The following PPP2R3B variants were observed in gnomAD, a reference collection of about 807,000 sequenced individuals.
PPP2R3B encodes protein phosphatase 2 regulatory subunit B''beta.
PPP2R3B carries 68 observed loss-of-function variants against 72.9 expected under a neutral mutation model. That is an observed-to-expected ratio of 0.93 (90% CI 0.77 to 1.14). The LOEUF is 1.14. Among genes scored for constraint, PPP2R3B ranks in the 50% most tolerant of loss-of-function variants. The pLI, the probability that PPP2R3B is intolerant of heterozygous loss-of-function variation, is 0.00. For missense variants in PPP2R3B, 1,018 were observed against 842.0 expected, an observed-to-expected ratio of 1.21 and a Z score of -2.59; for synonymous variants, 466 against 375.8, an observed-to-expected ratio of 1.24 and a Z score of -2.78.
intron 2 of PPP2R3B, among the ~76,000 whole-genome samples, chrX:357,440 A>G (rs2071459685): frequency 1.3e-5 from 2 of 152,228 alleles, no homozygotes; most frequent in Non-Finnish European, 2.9e-5. Flanking sequence ...ATAGATATTC[A>G]TGAGAGAAAG....
chrX:346,151 G>A (rs956355205), intron 6 of PPP2R3B, 23 bp downstream of exon 6: 2 of 1,534,076 alleles, frequency 1.3e-6, no homozygotes, highest in Admixed American at 2.0e-5. Context: ...GCAGGGGGCA[G>A]GGGACAGGGG....
At chrX:382,883 C>T (rs2072156066) in intron 1 of PPP2R3B, among the ~76,000 whole-genome samples, 1 of 152,142 alleles carries the variant, frequency 6.6e-6, no homozygotes, top group South Asian at 2.1e-4. Flanking sequence ...AGCTCATTAG[C>T]GATCCCACTG....
chrX:353,089 A>T (rs2071363676), intron 2 of PPP2R3B, among the ~76,000 whole-genome samples: 1 of 152,034 alleles, frequency 6.6e-6, no homozygotes, highest in Non-Finnish European at 1.5e-5. Context: ...AGTGGGTGGC[A>T]GTGGCCGGGT....
intron 1 of PPP2R3B, among the ~76,000 whole-genome samples, chrX:363,931 A>G (rs1382322272): frequency 6.6e-6 from 1 of 152,260 alleles, no homozygotes; most frequent in African/African-American, 2.4e-5. Flanking sequence ...TTCCTGATGA[A>G]AACTGCCAAG....
chrX:371,872 C>G (rs1029393475), intron 1 of PPP2R3B, among the ~76,000 whole-genome samples: 5 of 150,950 alleles, frequency 3.3e-5, no homozygotes, highest in African/African-American at 1.2e-4. Context: ...CCTCAGACAA[C>G]ATGCATTTCA....
intron 1 of PPP2R3B, among the ~76,000 whole-genome samples, chrX:364,350 C>G (rs1026564408): frequency 4.0e-5 from 6 of 151,754 alleles, no homozygotes; most frequent in Admixed American, 2.0e-4. Flanking sequence ...GGTTTGCAAA[C>G]CAAACTCACG....
intron 7 of PPP2R3B, chrX:345,221 C>A (rs745891056): frequency 1.1e-5 from 7 of 641,062 alleles, no homozygotes; most frequent in South Asian, 9.1e-5. Flanking sequence ...AACAAGGAAG[C>A]CCCACAGCGC....
chrX:358,749 C>T (rs1162816967), intron 2 of PPP2R3B, among the ~76,000 whole-genome samples: 4 of 151,566 alleles, frequency 2.6e-5, no homozygotes, highest in East Asian at 3.9e-4. Flanking sequence ...ACATGAAACG[C>T]GCACATGAGA....
chrX:380,786 C>CAAAAA (rs1054118917), intron 1 of PPP2R3B, among the ~76,000 whole-genome samples: 8 of 53,116 alleles, frequency 1.5e-4, no homozygotes, highest in East Asian at 6.5e-4. Context: ...AACTCCATCT[C>CAAAAA]AAAAAAAAAA....
chrX:341,903 G>A lies in PPP2R3B; in HGVS notation c.1065C>T (p.Ile355=). ...HALSTKMIDR[I]FSGAVTRGRK... is the part of the protein sequence containing the mutation. ...CGTACCGTGTGACTGCTCCTGAGAA[G>A]ATCCTGTCTATCATCTTGGTAGAAA... The change falls in exon 8 of 13, where the codon ATC becomes ATT. Residue 355 remains isoleucine, a synonymous_variant. Coordinates refer to ENST00000390665, the MANE Select transcript of PPP2R3B (RefSeq NM_013239.5). 2 of 1,612,746 alleles carry A rather than the reference G, an allele frequency of 1.2e-6. No individual in the cohort carries two copies. The highest frequency in any genetic ancestry group is 2.7e-5 in the African/African-American group (2 of 75,074).
At position 376,683 on chromosome X, in the gene PPP2R3B, T is replaced by C. The variant is rs2072003825; in HGVS notation, c.324+9685A>G. On this transcript the variant is annotated intron_variant, in intron 1 of 12. Transcript: ENST00000390665. Reference sequence around the variant, plus strand: ...ACACCCAGTGGGGCCACCATGGGGCTGTCTATACACTACTGTGTACAGGGA... The same window carrying C: ...ACACCCAGTGGGGCCACCATGGGGCCGTCTATACACTACTGTGTACAGGGA... Among the ~76,000 whole-genome samples the C allele has an allele frequency of 2.7e-5, 2 of 74,446 alleles. 1 individual carries two copies. Among genetic ancestry groups the C allele is most frequent in the South Asian group, 9.5e-4 (2 of 2,100 alleles). 48.8% of individuals were successfully genotyped at this position (74,446 alleles called of 152,430 possible). A position where few individuals can be genotyped will look rare whatever the true frequency, so the allele number is the denominator to read the frequency against.
In PPP2R3B at chrX:379,392, ATG is replaced by A. The variant is rs1205182675; in HGVS notation, c.324+6974_324+6975del. On this transcript the variant is annotated intron_variant, in intron 1 of 12. Transcript: ENST00000390665. ...TGTGTATGTACCTGTGTATGCACCTATGTGTGTATGCACCTATGTGTGTATGC... is the reference window on the plus strand; with the variant it reads ...TGTGTATGTACCTGTGTATGCACCTATGTGTATGCACCTATGTGTGTATGC... Among the ~76,000 whole-genome samples, 4 of 147,666 alleles carry A rather than the reference ATG, an allele frequency of 2.7e-5. No individual in the cohort carries two copies. The South Asian group carries it at 8.8e-4, about 32-fold the overall frequency.
At position 345,730 on chromosome X, in the gene PPP2R3B, G is replaced by A. The variant is rs1031049108; in HGVS notation, c.880-58C>T. 4.2e-5 allele frequency: 66 copies of A among 1,585,520 alleles called. No individual in the cohort carries two copies. The African/African-American group carries it at 8.1e-4, about 20-fold the overall frequency. ...GCCTCTGCGGGGATGCCCCAAGTCC[G>A]CCTGGCTGCGGGCGGGGCAGGGAAG... On this transcript the variant is annotated intron_variant, in intron 6 of 12. Coordinates refer to ENST00000390665, the MANE Select transcript of PPP2R3B (RefSeq NM_013239.5).
Position 334,955 on chromosome X carries a change from A to G in PPP2R3B, c.1578-438T>C, listed in dbSNP as rs182918279. ...CACTTCCGTTCTGACCAGAACACGC[A>G]GCAGTGCGAGGACTGGACGCGCGCC... On this transcript the variant is annotated intron_variant, in intron 12 of 12. Transcript: ENST00000390665. The G allele has an allele frequency of 6.6e-3, 1,086 of 164,530 alleles. 15 individuals carry two copies. The highest frequency in any genetic ancestry group is 0.024 in the African/African-American group (1,004 of 42,102). 10.2% of individuals were successfully genotyped at this position (164,530 alleles called of 1,614,324 possible).
At chrX:366,841 C>A (rs1424301905) in intron 1 of PPP2R3B, among the ~76,000 whole-genome samples, 7 of 133,932 alleles carry the variant, frequency 5.2e-5, no homozygotes, top group South Asian at 2.4e-4. Flanking sequence ...CCAGCCTGGG[C>A]GACAGAGTGA....
Position 341,946 on chromosome X carries a change from G to T in PPP2R3B, c.1037-15C>A. 1 of 1,612,592 alleles carries T rather than the reference G, an allele frequency of 6.2e-7. No individual in the cohort carries two copies. Among genetic ancestry groups the T allele is most frequent in the Admixed American group, 1.7e-5 (1 of 60,016 alleles). ...GGTAGAAAGGGCTGGAAAGGAATGC[G>T]GTTGATGGGCAGCCCGCACCGTGCC... is the stretch of plus-strand genomic sequence containing the variant. On this transcript the variant is annotated splice_polypyrimidine_tract_variant and intron_variant, in intron 7 of 12. Transcript: ENST00000390665.
chrX:334,374 G>A lies in PPP2R3B; in HGVS notation c.1721C>T (p.Pro574Leu), dbSNP rs142052168. The A allele has an allele frequency of 8.2e-4, 1,235 of 1,508,762 alleles. 2 individuals are homozygous for A. The highest frequency in any genetic ancestry group is 3.0e-3 in the African/African-American group (206 of 69,060). The allele number at this position is 1,508,762 out of a possible 1,614,324, so 93.5% of individuals were successfully genotyped here. A position where few individuals can be genotyped will look rare whatever the true frequency, so the allele number is the denominator to read the frequency against. Residue 574 changes from proline (P) to leucine (L), a missense_variant, in exon 13 of 13, where the codon CCG becomes CTG. Pro to Leu is a moderately conservative substitution (Grantham distance 98). Coordinates refer to ENST00000390665, the MANE Select transcript of PPP2R3B (RefSeq NM_013239.5). ...GCGTTCTCGCGGGCGGCGTCACAGCGGCTCCAGGTCCTCGTCCCCGCATGC... is the reference window on the plus strand; with the variant it reads ...GCGTTCTCGCGGGCGGCGTCACAGCAGCTCCAGGTCCTCGTCCCCGCATGC... ...EYACGDEDLEPL is the reference protein window; with the variant it reads ...EYACGDEDLELL
At position 345,337 on chromosome X, in the gene PPP2R3B, G is replaced by A. The variant is rs28677859; in HGVS notation, c.1036+179C>T. On this transcript the variant is annotated intron_variant, in intron 7 of 12. Coordinates refer to ENST00000390665, the MANE Select transcript of PPP2R3B (RefSeq NM_013239.5). The stretch of plus-strand genomic sequence containing the variant: ...GAGGCGCACGCGGGGACCCAGACAC[G>A]GGGCAGCGACTGGGGAAGGAGAGGC... 4.9e-3 allele frequency: 4,414 copies of A among 900,522 alleles called. 117 individuals carry two copies. The African/African-American group carries it at 0.061, about 12-fold the overall frequency. 55.8% of individuals were successfully genotyped at this position (900,522 alleles called of 1,614,324 possible).
At chrX:355,456 C>G (rs2071416235) in intron 2 of PPP2R3B, among the ~76,000 whole-genome samples, 1 of 152,210 alleles carries the variant, frequency 6.6e-6, no homozygotes, top group Non-Finnish European at 1.5e-5. Flanking sequence ...GTAATCCCAG[C>G]AGGCTGTCGT....
Sources: gnomAD v4.1 joint callset for allele counts (sites outside exome capture counted in the v4.1 genomes callset) on GRCh38, gnomAD v4.1.1 for gene constraint, MANE v1.5 for transcripts, NCBI Gene and HGNC (gene_info 2026-07-23, HGNC 2026-07-21) for gene names.